Variants in SGIP1 observed in about 807,000 individuals in gnomAD.
The protein encoded by SGIP1 is SH3GL interacting endocytic adaptor 1.
In SGIP1, 38 loss-of-function variants were observed where a neutral mutation model predicts 107.5. The ratio of observed to expected loss-of-function variants is 0.35; its 90% CI spans 0.27 to 0.46. The LOEUF (loss-of-function observed/expected upper bound fraction) is 0.46, where lower values mean the gene tolerates loss of function less well. Ranked by LOEUF, SGIP1 falls within the 20% of genes least tolerant of loss-of-function variation. SGIP1 has a pLI of 1.00. For synonymous variants in SGIP1, 365 were observed against 366.1 expected, an observed-to-expected ratio of 1.00 and a Z score of 0.03; for missense variants, 929 against 1,019.5, an observed-to-expected ratio of 0.91 and a Z score of 1.21.
chr1:66,697,528 G>T (rs1343093548), intron 18 of SGIP1, among the ~76,000 whole-genome samples: 2 of 152,302 alleles, frequency 1.3e-5, no homozygotes, highest in East Asian at 3.9e-4. Flanking sequence ...GCCATATCAT[G>T]AATGTTGGTG....
chr1:66,730,550 G>A (rs2093960082), intron 20 of SGIP1, among the ~76,000 whole-genome samples: 1 of 152,032 alleles, frequency 6.6e-6, no homozygotes, highest in South Asian at 2.1e-4. Context: ...CACTGCAATT[G>A]CCTTCTCTCC....
At chr1:66,657,317 C>T (rs954541848) in intron 7 of SGIP1, among the ~76,000 whole-genome samples, 1 of 152,128 alleles carries the variant, frequency 6.6e-6, no homozygotes, top group Non-Finnish European at 1.5e-5. Flanking sequence ...CTCTATGATG[C>T]CTGATGCCAA....
chr1:66,675,404 G>A (rs1030831198), intron 12 of SGIP1, among the ~76,000 whole-genome samples: 4 of 152,040 alleles, frequency 2.6e-5, no homozygotes. Context: ...CTTCTGTAAA[G>A]TTCCTGCCTT....
chr1:66,742,574 A>C (rs1170557456), intron 24 of SGIP1, among the ~76,000 whole-genome samples: 1 of 140,626 alleles, frequency 7.1e-6, no homozygotes, highest in Non-Finnish European at 1.5e-5. Flanking sequence ...GGTTCATGCC[A>C]TTCTCCTGCC....
rs543561544 is a variant in SGIP1 at position 66,664,959 on chromosome 1, TTTG to T, written c.472-2547_472-2545del. 6.7e-3 allele frequency among the ~76,000 whole-genome samples: 1,020 copies of T among 152,068 alleles called. 13 individuals are homozygous for T. Among genetic ancestry groups the T allele is most frequent in the African/African-American group, 0.022 (922 of 41,494 alleles). ...AGGTCATACATCTGCTTGTTGTGCT[TTTG>T]TTGTTGTTGTTGTTGTTGTTGTTTA... On this transcript the variant is annotated intron_variant, in intron 8 of 24. Coordinates refer to ENST00000371037, the MANE Select transcript of SGIP1 (RefSeq NM_032291.4).
intron 1 of SGIP1, among the ~76,000 whole-genome samples, chr1:66,562,287 T>C (rs2059062302): frequency 6.6e-6 from 1 of 152,022 alleles, no homozygotes; most frequent in African/African-American, 2.4e-5. Flanking sequence ...ATTTCATTTT[T>C]CCAAATGCAA....
In SGIP1 at chr1:66,726,508, G is replaced by A. The variant is rs146114355; in HGVS notation, c.1743-2756G>A. 5.0e-3 allele frequency among the ~76,000 whole-genome samples: 765 copies of A among 152,284 alleles called. 1 individual carries two copies. The highest frequency in any genetic ancestry group is 6.9e-3 in the Non-Finnish European group (469 of 68,012). On this transcript the variant is annotated intron_variant, in intron 19 of 24. Transcript: ENST00000371037. ...TCATAAAGCTACTGTAATCAAGACA[G>A]TGCAATACTGGCTTAAAAAATAGAC...
At chr1:66,711,181 ATG>A (rs1418042529) in intron 18 of SGIP1, among the ~76,000 whole-genome samples, 1 of 152,166 alleles carries the variant, frequency 6.6e-6, no homozygotes, top group Non-Finnish European at 1.5e-5. Context: ...ATTATGTACT[ATG>A]AAATTTTAGT....
At chr1:66,702,250 T>C (rs1236207960) in intron 18 of SGIP1, among the ~76,000 whole-genome samples, 2 of 152,150 alleles carry the variant, frequency 1.3e-5, no homozygotes, top group African/African-American at 2.4e-5. Context: ...TTAAATCAGT[T>C]AGAGGGGAGT....
chr1:66,728,965 T>C (rs750609693), intron 19 of SGIP1, among the ~76,000 whole-genome samples: 3 of 151,622 alleles, frequency 2.0e-5, no homozygotes, highest in Admixed American at 6.6e-5. Context: ...GGGAGGAGGA[T>C]GGGAGAAGAG....
rs1466427852 is a variant in SGIP1 at position 66,743,687 on chromosome 1, T to C, written c.*592T>C. 6.6e-6 allele frequency: 1 copy of C among 152,604 alleles called. No homozygotes were observed. The highest frequency in any genetic ancestry group is 1.5e-5 in the Non-Finnish European group (1 of 68,010). The allele number at this position is 152,604 out of a possible 1,614,324, so 9.5% of individuals were successfully genotyped here. On this transcript the variant is annotated 3_prime_UTR_variant, in exon 25 of 25. Coordinates refer to ENST00000371037, the MANE Select transcript of SGIP1 (RefSeq NM_032291.4). The stretch of plus-strand genomic sequence containing the variant: ...GAGAAACTATTTCAGAAAAAAATTC[T>C]AAGGTTACAGCATATTCAAAGAAAA...
At position 66,695,435 on chromosome 1, in the gene SGIP1, G is replaced by A. The variant is rs757586525; in HGVS notation, c.1572G>A (p.Glu524=). Reference sequence around the variant, plus strand: ...CCGCTTCAACTCCTGGCCATACAGAGAATGAACAGCCTTCCCTCGTTTGGT... The same window carrying A: ...CCGCTTCAACTCCTGGCCATACAGAAAATGAACAGCCTTCCCTCGTTTGGT... ...SLSAATTPTV[E]NEQPSLVWFD... The change falls in exon 18 of 25, where the codon GAG becomes GAA. Residue 524 remains glutamate, a splice_region_variant and synonymous_variant. Transcript: ENST00000371037. The A allele has an allele frequency of 1.3e-5, 21 of 1,613,970 alleles. No homozygotes were observed. The highest frequency in any genetic ancestry group is 1.7e-5 in the Non-Finnish European group (20 of 1,179,986).
chr1:66,631,453 C>A (rs2074666086), intron 2 of SGIP1, among the ~76,000 whole-genome samples: 1 of 152,148 alleles, frequency 6.6e-6, no homozygotes, highest in Non-Finnish European at 1.5e-5. Context: ...ATATCAGAAT[C>A]TTCTCTGTTT....
At chr1:66,558,248 A>C in intron 1 of SGIP1, among the ~76,000 whole-genome samples, 1 of 151,958 alleles carries the variant, frequency 6.6e-6, no homozygotes, top group Non-Finnish European at 1.5e-5. Context: ...ATGGGTCTGC[A>C]ATCTGCACAT....
intron 8 of SGIP1, among the ~76,000 whole-genome samples, chr1:66,661,799 A>T (rs777423123): frequency 4.0e-4 from 30 of 74,956 alleles, no homozygotes; most frequent in Admixed American, 1.2e-3. Flanking sequence ...ATGGTGCTTT[A>T]AAAATTCTCT....
chr1:66,722,607 AGCT>A (rs2093592553), intron 19 of SGIP1, among the ~76,000 whole-genome samples: 1 of 152,232 alleles, frequency 6.6e-6, no homozygotes, highest in Admixed American at 6.5e-5. Flanking sequence ...CGATAAAGAC[AGCT>A]CATATGGAAA....
At chr1:66,661,952 T>C (rs1171940193) in intron 8 of SGIP1, among the ~76,000 whole-genome samples, 1 of 152,230 alleles carries the variant, frequency 6.6e-6, no homozygotes, top group Non-Finnish European at 1.5e-5. Context: ...CCTTGGTTAC[T>C]AGCAGGTTCT....
At chr1:66,719,428 T>C in intron 19 of SGIP1, 23 bp downstream of exon 19, 1 of 1,586,770 alleles carries the variant, frequency 6.3e-7, no homozygotes, top group Non-Finnish European at 8.6e-7. Context: ...CTTGGTCCAT[T>C]GTACTTTCTG....
chr1:66,537,828 C>A (rs1333803067), intron 1 of SGIP1, among the ~76,000 whole-genome samples: 1 of 151,844 alleles, frequency 6.6e-6, no homozygotes, highest in African/African-American at 2.4e-5. Context: ...AAAAATAATG[C>A]ATTGAGGCAA....
Sources: allele counts gnomAD v4.1 joint callset (sites outside exome capture counted in the v4.1 genomes callset), GRCh38; gene constraint gnomAD v4.1.1; transcripts MANE v1.5; gene names NCBI Gene and HGNC (gene_info 2026-07-23, HGNC 2026-07-21).